The following MPIG6B variants were observed in gnomAD, a reference collection of about 807,000 sequenced individuals.
MPIG6B encodes the protein megakaryocyte and platelet inhibitory receptor G6b, also known as immunoglobulin receptor.
Under a neutral mutation model 24.2 loss-of-function variants are expected in MPIG6B, and 22 were observed. That is an observed-to-expected ratio of 0.91 (90% CI 0.65 to 1.30). The LOEUF is 1.30. Ranked by LOEUF, MPIG6B falls within the 50% of genes most tolerant of loss-of-function variation. The pLI is 0.00. For missense variants in MPIG6B, 301 were observed against 318.5 expected (o/e 0.94, Z 0.42); for synonymous variants, 136 against 142.0 (o/e 0.96, Z 0.30).
chr6:31,724,293 C>A, intron 3 of MPIG6B, 61 bp downstream of exon 3: 1 of 1,344,148 alleles, frequency 7.4e-7, no homozygotes, highest in Non-Finnish European at 1.1e-6. Context: ...AGGGGCAGGA[C>A]CAGAACCTTC....
upstream of MPIG6B, among the ~76,000 whole-genome samples, chr6:31,722,211 C>A (rs1326698952): frequency 6.6e-6 from 1 of 152,168 alleles, no homozygotes; most frequent in Non-Finnish European, 1.5e-5. Flanking sequence ...CTCCATTCAG[C>A]CCCCACTCGG....
At chr6:31,722,720 T>A (rs1806889822), upstream of MPIG6B, among the ~76,000 whole-genome samples, 1 of 151,332 alleles carries the variant, frequency 6.6e-6, no homozygotes, top group African/African-American at 2.4e-5. Flanking sequence ...TCAGGTGTGG[T>A]GGCATGCACC....
chr6:31,723,850 C>T lies in MPIG6B; in HGVS notation c.273C>T (p.Ile91=). ...GCCTACGCTCCCTGGACTCTGGTATCCGGCGGCTGGAGCTCCTCTTGAGCG... is the reference window on the plus strand; with the variant it reads ...GCCTACGCTCCCTGGACTCTGGTATTCGGCGGCTGGAGCTCCTCTTGAGCG... ...VGRLRSLDSG[I]RRLELLLSAG... The change falls in exon 2 of 6, where the codon ATC becomes ATT. Residue 91 remains isoleucine, a synonymous_variant. Coordinates refer to ENST00000649779, the MANE Select transcript of MPIG6B (RefSeq NM_138272.3). This position sits in a 1 kb window ranked among gnomAD's most constrained non-coding sequence, Gnocchi z 4.3. 2 of 1,610,536 alleles carry T rather than the reference C, an allele frequency of 1.2e-6. No homozygotes were observed. The highest frequency in any genetic ancestry group is 1.1e-5 in the South Asian group (1 of 90,686).
At chr6:31,722,845 C>CAAA (rs9281563), upstream of MPIG6B, among the ~76,000 whole-genome samples, 584 of 74,522 alleles carry the variant, frequency 7.8e-3, 13 homozygotes, top group Middle Eastern at 0.023. Context: ...GACTCTGACT[C>CAAA]AAAAAAAAAA....
In MPIG6B at chr6:31,724,620, T is replaced by C; in HGVS notation, c.534T>C (p.Pro178=). ...RLPPQPIRPL[P]RFAPLVKTEP... ...CCCCGCAACCGATTCGACCACTCCC[T>C]AGATTTGGTGAGACTAATTCCACCC... is the stretch of plus-strand genomic sequence containing the variant. Residue 178 remains proline, a synonymous_variant, in exon 4 of 6, where the codon CCT becomes CCC. Transcript: ENST00000649779. The C allele has an allele frequency of 6.2e-7, 1 of 1,613,766 alleles. No homozygotes were observed. The highest frequency in any genetic ancestry group is 8.5e-7 in the Non-Finnish European group (1 of 1,179,676).
Position 31,724,200 on chromosome 6 carries a change from G to C in MPIG6B, c.468G>C (p.Leu156=). The change falls in exon 3 of 6, where the codon CTG becomes CTC. Residue 156 remains leucine (L), a synonymous_variant. Coordinates refer to ENST00000649779, the MANE Select transcript of MPIG6B (RefSeq NM_138272.3). ...TGGGCGCTGGGTTGGTGCTCGGACT[G>C]GGAGCTTTGGGCCTGGTCTGGTGGC... ...PLLGAGLVLG[L]GALGLVWWLH... The C allele has an allele frequency of 6.2e-7, 1 of 1,613,194 alleles. No homozygotes were observed. The highest frequency in any genetic ancestry group is 8.5e-7 in the Non-Finnish European group (1 of 1,179,934).
chr6:31,722,702 A>C (rs1806884224), upstream of MPIG6B, among the ~76,000 whole-genome samples: 1 of 132,328 alleles, frequency 7.6e-6, no homozygotes, highest in South Asian at 2.4e-4. Context: ...TGAAAATACA[A>C]AAATTAGTCA....
chr6:31,723,370 A>G, upstream of MPIG6B: 1 of 1,608,924 alleles, frequency 6.2e-7, no homozygotes, highest in Non-Finnish European at 8.5e-7. This position sits in a 1 kb window ranked among gnomAD's most constrained non-coding sequence, Gnocchi z 4.3. Context: ...GCTTCTCCTC[A>G]CCACATCCTA....
Position 31,723,489 on chromosome 6 carries a change from A to G in MPIG6B, c.61+45A>G. Reference sequence around the variant, plus strand: ...GTTGTGATAGACGCAGAGGGGCTGAAGCAAGATAAGGGCCGCCTAGTAGGG... The same window carrying G: ...GTTGTGATAGACGCAGAGGGGCTGAGGCAAGATAAGGGCCGCCTAGTAGGG... On this transcript the variant is annotated intron_variant, in intron 1 of 5. Coordinates refer to ENST00000649779, the MANE Select transcript of MPIG6B (RefSeq NM_138272.3). The surrounding 1 kb of genome is among the most constrained non-coding windows in gnomAD (Gnocchi z 4.3). The G allele has an allele frequency of 6.3e-7, 1 of 1,575,566 alleles. No individual in the cohort carries two copies. The highest frequency in any genetic ancestry group is 8.7e-7 in the Non-Finnish European group (1 of 1,146,392).
Position 31,725,231 on chromosome 6 carries a change from G to T in MPIG6B, c.*157G>T. ...GAGACCTGGGTTCCAGGCTGTCTCT[G>T]CCACTGGTCTTACTTCTAAACTTAC... On this transcript the variant is annotated 3_prime_UTR_variant, in exon 6 of 6. Coordinates refer to ENST00000649779, the MANE Select transcript of MPIG6B (RefSeq NM_138272.3). This position sits in a 1 kb window ranked among gnomAD's most constrained non-coding sequence, Gnocchi z 5.2. The T allele has an allele frequency of 1.6e-6, 1 of 612,380 alleles. No homozygotes were observed. The highest frequency in any genetic ancestry group is 2.0e-5 in the South Asian group (1 of 50,582). The allele number at this position is 612,380 out of a possible 1,614,324, so 37.9% of individuals were successfully genotyped here.
upstream of MPIG6B, chr6:31,721,521 TG>T: frequency 3.1e-6 from 3 of 979,798 alleles, no homozygotes; most frequent in Non-Finnish European, 4.7e-6. Context: ...CAGTTGGGGC[TG>T]GGGGTGTTGG....
In MPIG6B at chr6:31,725,381, T is replaced by C; in HGVS notation, c.*307T>C. ...TCTCGCTCTGTTGCCCAGGCTGGAG[T>C]GCAGTGACACCATCTCCCTCACTGC... On this transcript the variant is annotated 3_prime_UTR_variant, in exon 6 of 6. Coordinates refer to ENST00000649779, the MANE Select transcript of MPIG6B (RefSeq NM_138272.3). The surrounding 1 kb of genome is among the most constrained non-coding windows in gnomAD (Gnocchi z 5.2). The C allele has an allele frequency of 3.2e-6, 1 of 310,332 alleles. No homozygotes were observed. The highest frequency in any genetic ancestry group is 5.9e-6 in the Non-Finnish European group (1 of 169,820). 19.2% of individuals were successfully genotyped at this position (310,332 alleles called of 1,614,324 possible). A position where few individuals can be genotyped will look rare whatever the true frequency, so the allele number is the denominator to read the frequency against.
At chr6:31,724,347 G>A (rs1235159962) in intron 3 of MPIG6B, 115 bp downstream of exon 3, 6 of 958,746 alleles carry the variant, frequency 6.3e-6, no homozygotes, top group Non-Finnish European at 4.8e-6. Flanking sequence ...CTGGCTTGGC[G>A]AAGAATGGGA....
rs1482971788 is a variant in MPIG6B at position 31,725,208 on chromosome 6, G to A, written c.*134G>A. 3 of 652,356 alleles carry A rather than the reference G, an allele frequency of 4.6e-6. No individual in the cohort carries two copies. The highest frequency in any genetic ancestry group is 8.0e-6 in the Non-Finnish European group (3 of 374,806). 40.4% of individuals were successfully genotyped at this position (652,356 alleles called of 1,614,324 possible). Reference sequence around the variant, plus strand: ...ATAAGTGCTAGACTGGGAGTTGGGAGACCTGGGTTCCAGGCTGTCTCTGCC... The same window carrying A: ...ATAAGTGCTAGACTGGGAGTTGGGAAACCTGGGTTCCAGGCTGTCTCTGCC... On this transcript the variant is annotated 3_prime_UTR_variant, in exon 6 of 6. Transcript: ENST00000649779. The surrounding 1 kb of genome is among the most constrained non-coding windows in gnomAD (Gnocchi z 5.2).
At position 31,725,990 on chromosome 6, in the gene MPIG6B, G is replaced by A. The variant is rs77994191; in HGVS notation, c.*916G>A. The A allele has an allele frequency of 7.7e-3, 1,178 of 152,454 alleles. 11 individuals carry two copies. The highest frequency in any genetic ancestry group is 0.012 in the Non-Finnish European group (787 of 68,024). 9.4% of individuals were successfully genotyped at this position (152,454 alleles called of 1,614,324 possible). ...GCCCAACCCAGAAACTGGGAGTCAC[G>A]CAGACCTCCTTTCTCTCTTACTCCC... On this transcript the variant is annotated 3_prime_UTR_variant, in exon 6 of 6. Coordinates refer to ENST00000649779, the MANE Select transcript of MPIG6B (RefSeq NM_138272.3). This position sits in a 1 kb window ranked among gnomAD's most constrained non-coding sequence, Gnocchi z 5.2.
Position 31,723,649 on chromosome 6 carries a change from C to T in MPIG6B, c.72C>T (p.Asp24=). ...RAQGNPGASL[D]GRPGDRVNLS... ...TCCGGCCTCTCCTAGCTTCTCTGGA[C>T]GGCCGCCCTGGGGACCGGGTGAATC... Residue 24 remains aspartate, a synonymous_variant, in exon 2 of 6, where the codon GAC becomes GAT. Transcript: ENST00000649779. The surrounding 1 kb of genome is among the most constrained non-coding windows in gnomAD (Gnocchi z 4.3). 1 of 1,569,056 alleles carries T rather than the reference C, an allele frequency of 6.4e-7. No individual in the cohort carries two copies. Among genetic ancestry groups the T allele is most frequent in the South Asian group, 1.2e-5 (1 of 85,756 alleles).
intron 2 of MPIG6B, 44 bp downstream of exon 2, chr6:31,724,030 A>G: frequency 6.4e-7 from 1 of 1,562,920 alleles, no homozygotes; most frequent in Non-Finnish European, 8.7e-7. Context: ...ACTCCGACAC[A>G]TACCCGGAGG....
Position 31,724,785 on chromosome 6 carries a change from C to A in MPIG6B, c.562C>A (p.Pro188Thr), listed in dbSNP as rs953756465. The A allele has an allele frequency of 6.2e-7, 1 of 1,614,102 alleles. No homozygotes were observed. Among genetic ancestry groups the A allele is most frequent in the Admixed American group, 1.7e-5 (1 of 60,022 alleles). ...CATAGCTCCACTTGTGAAAACCGAG[C>A]CCCAGAGGCCAGTAAAGGAGGAAGA... is the stretch of plus-strand genomic sequence containing the variant. ...PRFAPLVKTE[P>T]QRPVKEEEPK... The change falls in exon 5 of 6, where the codon CCC becomes ACC. Residue 188 changes from proline to threonine, a missense_variant. Coordinates refer to ENST00000649779, the MANE Select transcript of MPIG6B (RefSeq NM_138272.3).
upstream of MPIG6B, chr6:31,721,873 G>A: frequency 5.0e-6 from 3 of 601,258 alleles, no homozygotes; most frequent in Non-Finnish European, 8.8e-6. Flanking sequence ...GGAAGGCACT[G>A]AGCAGGACTG....
Sources: allele counts gnomAD v4.1 joint callset (sites outside exome capture counted in the v4.1 genomes callset), GRCh38; gene constraint gnomAD v4.1.1; non-coding constraint Gnocchi (gnomAD v3.1); transcripts MANE v1.5; gene names NCBI Gene and HGNC (gene_info 2026-07-23, HGNC 2026-07-21).